The following NFIA variants were observed in gnomAD, a reference collection of about 807,000 sequenced individuals.
The protein encoded by NFIA is nuclear factor I A, also known as nuclear factor 1 A-type.
NFIA carries 8 observed loss-of-function variants against 62.8 expected under a neutral mutation model. That is an observed-to-expected ratio of 0.13 (90% CI 0.07 to 0.23). The LOEUF (loss-of-function observed/expected upper bound fraction) is 0.23, where lower values mean the gene tolerates loss of function less well. NFIA is among the 10% of genes least tolerant of loss of function. The pLI, the probability that NFIA is intolerant of heterozygous loss-of-function variation, is 1.00. For synonymous variants in NFIA, 235 were observed against 238.1 expected (o/e 0.99, Z 0.12); for missense variants, 410 against 642.1 (o/e 0.64, Z 3.91).
chr1:61,408,005 T>G (rs9436640), intron 9 of NFIA, among the ~76,000 whole-genome samples: 67,148 of 152,046 alleles, frequency 0.44, 15,330 homozygotes, highest in South Asian at 0.61. Flanking sequence ...GCCATGTTCA[T>G]AGAATTTGAT....
At chr1:61,169,503 A>G (rs1189050927) in intron 2 of NFIA, among the ~76,000 whole-genome samples, 2 of 152,166 alleles carry the variant, frequency 1.3e-5, no homozygotes, top group Non-Finnish European at 2.9e-5. Context: ...ACCCCCAACC[A>G]AATGTGGAAA....
chr1:61,251,460 A>G (rs1400223305), intron 2 of NFIA: 2 of 152,204 alleles, frequency 1.3e-5, no homozygotes, highest in Admixed American at 6.5e-5. Context: ...TAGACATTCA[A>G]TAAATGCTAG....
At chr1:61,247,620 G>GA (rs1486995017) in intron 2 of NFIA, among the ~76,000 whole-genome samples, 2 of 152,208 alleles carry the variant, frequency 1.3e-5, no homozygotes, top group African/African-American at 4.8e-5. Context: ...CATTATGTGT[G>GA]AGGGGAGGTG....
At chr1:61,183,322 G>A (rs1442034733) in intron 2 of NFIA, among the ~76,000 whole-genome samples, 1 of 152,214 alleles carries the variant, frequency 6.6e-6, no homozygotes, top group Non-Finnish European at 1.5e-5. Flanking sequence ...CATGCAGAAA[G>A]GTCACAGGTC....
intron 3 of NFIA, among the ~76,000 whole-genome samples, chr1:61,301,620 A>T (rs1187196262): frequency 6.6e-6 from 1 of 152,228 alleles, no homozygotes; most frequent in African/African-American, 2.4e-5. Context: ...AGTGCTTTTT[A>T]AAAATTCCTC....
chr1:61,293,143 A>G (rs1658995940), intron 3 of NFIA, among the ~76,000 whole-genome samples: 1 of 152,198 alleles, frequency 6.6e-6, no homozygotes, highest in Non-Finnish European at 1.5e-5. Flanking sequence ...TCACTCTGCC[A>G]TGTTACCATT....
At chr1:61,129,509 G>A (rs1271488369) in intron 2 of NFIA, among the ~76,000 whole-genome samples, 1 of 147,312 alleles carries the variant, frequency 6.8e-6, no homozygotes, top group Non-Finnish European at 1.5e-5. Context: ...GAGTGCAGTG[G>A]TGTGATCTCG....
intron 2 of NFIA, among the ~76,000 whole-genome samples, chr1:61,184,813 A>G (rs1651043235): frequency 6.6e-6 from 1 of 152,280 alleles, no homozygotes; most frequent in Admixed American, 6.5e-5. Flanking sequence ...GGTAAAATGC[A>G]ACCTGGAGAG....
intron 2 of NFIA, among the ~76,000 whole-genome samples, chr1:61,191,809 T>C (rs1165425758): frequency 6.6e-6 from 1 of 151,158 alleles, no homozygotes; most frequent in Non-Finnish European, 1.5e-5. Context: ...TAAAAAACCA[T>C]AAATTTTCTT....
At chr1:61,117,051 G>T (rs904605513) in intron 2 of NFIA, among the ~76,000 whole-genome samples, 8 of 152,110 alleles carry the variant, frequency 5.3e-5, no homozygotes, top group Non-Finnish European at 1.2e-4. Context: ...TGAGAGGAAG[G>T]TATTAGAAGC....
intron 2 of NFIA, among the ~76,000 whole-genome samples, chr1:61,266,554 C>T (rs1027094488): frequency 5.9e-5 from 9 of 151,826 alleles, no homozygotes; most frequent in Admixed American, 6.6e-5. Flanking sequence ...TGCTCCACCA[C>T]GCCCAGCTAA....
intron 3 of NFIA, among the ~76,000 whole-genome samples, chr1:61,321,405 G>A (rs1278245354): frequency 1.3e-5 from 2 of 151,654 alleles, no homozygotes; most frequent in Admixed American, 6.6e-5. Flanking sequence ...TTGACATGAC[G>A]AGAGAGAGAA....
intron 2 of NFIA, among the ~76,000 whole-genome samples, chr1:61,130,551 G>T (rs1250157591): frequency 6.6e-6 from 1 of 152,148 alleles, no homozygotes; most frequent in Non-Finnish European, 1.5e-5. Flanking sequence ...TTTGTTAATT[G>T]GGTCTTAACA....
chr1:61,263,633 G>A (rs373124570), intron 2 of NFIA, among the ~76,000 whole-genome samples: 1 of 152,126 alleles, frequency 6.6e-6, no homozygotes, highest in Admixed American at 6.5e-5. Flanking sequence ...TTTGGCAAGG[G>A]TTCTAACACA....
At chr1:61,089,696 T>TTTC (rs1646284413) in intron 2 of NFIA, among the ~76,000 whole-genome samples, 1 of 111,290 alleles carries the variant, frequency 9.0e-6, no homozygotes, top group East Asian at 2.8e-4. Context: ...TTTTTTTTTC[T>TTTC]TTTTTTTTTT....
At chr1:61,138,935 AC>A (rs1472022727) in intron 2 of NFIA, among the ~76,000 whole-genome samples, 1 of 148,070 alleles carries the variant, frequency 6.8e-6, no homozygotes, top group African/African-American at 2.5e-5. Context: ...CATGCCTGTA[AC>A]CCCAGCACTT....
intron 2 of NFIA, among the ~76,000 whole-genome samples, chr1:61,211,811 C>T (rs1653280129): frequency 6.6e-6 from 1 of 152,128 alleles, no homozygotes; most frequent in Admixed American, 6.6e-5. Context: ...CATCCTTGCA[C>T]CTCAGCCCCC....
chr1:61,379,280 G>A (rs1326639653), intron 6 of NFIA, among the ~76,000 whole-genome samples: 1 of 151,918 alleles, frequency 6.6e-6, no homozygotes, highest in Admixed American at 6.6e-5. Flanking sequence ...TGCCCAGGCT[G>A]GAGTGCAGTG....
rs567289789 is a variant in NFIA at position 61,280,571 on chromosome 1, C to T, written c.625+2986C>T. 6.4e-4 allele frequency among the ~76,000 whole-genome samples: 98 copies of T among 152,226 alleles called. 1 individual carries two copies. The highest frequency in any genetic ancestry group is 2.1e-3 in the African/African-American group (88 of 41,536). On this transcript the variant is annotated intron_variant, in intron 3 of 10. Transcript: ENST00000403491. ...TAGTAAACCATGGAGAATGAATAGA[C>T]AAATGGTAACACGCTGTTTCATCCC...
Sources: gnomAD v4.1 joint callset for allele counts (sites outside exome capture counted in the v4.1 genomes callset) on GRCh38, gnomAD v4.1.1 for gene constraint, MANE v1.5 for transcripts, NCBI Gene and HGNC (gene_info 2026-07-23, HGNC 2026-07-21) for gene names.